PRRG4: variants seen among roughly 807,000 people sequenced by gnomAD.
The protein encoded by PRRG4 is proline rich and Gla domain 4.
Under a neutral mutation model 20.0 loss-of-function variants are expected in PRRG4, and 12 were observed. The observed-to-expected ratio is 0.60, with a 90% CI of 0.38 to 0.97. The LOEUF (loss-of-function observed/expected upper bound fraction) is 0.97, where lower values mean the gene tolerates loss of function less well. PRRG4 is among the 50% of genes least tolerant of loss of function. The pLI, the probability that PRRG4 is intolerant of heterozygous loss-of-function variation, is 0.00. For synonymous variants in PRRG4, 94 were observed against 96.4 expected, an observed-to-expected ratio of 0.98 and a Z score of 0.15; for missense variants, 199 against 265.1, an observed-to-expected ratio of 0.75 and a Z score of 1.73.
At position 32,857,066 on chromosome 11, in the gene PRRG4, A is replaced by G. The variant is rs1851232694; in HGVS notation, c.*3539A>G. 1.3e-5 allele frequency: 2 copies of G among 152,566 alleles called. No homozygotes were observed. Among genetic ancestry groups the G allele is most frequent in the African/African-American group, 4.8e-5 (2 of 41,414 alleles). The allele number at this position is 152,566 out of a possible 1,614,324, so 9.5% of individuals were successfully genotyped here. ...ATGCTGGTCTCTAACTCCTGAGCTCAAGGAATCCACCCACCTCGGCCTCCC... is the reference window on the plus strand; with the variant it reads ...ATGCTGGTCTCTAACTCCTGAGCTCGAGGAATCCACCCACCTCGGCCTCCC... On this transcript the variant is annotated 3_prime_UTR_variant, in exon 6 of 6. Transcript: ENST00000257836.
intron 5 of PRRG4, among the ~76,000 whole-genome samples, chr11:32,846,096 T>A (rs896479120): frequency 6.6e-6 from 1 of 152,086 alleles, no homozygotes; most frequent in African/African-American, 2.4e-5. Context: ...AAGTGGAGGC[T>A]ACTGTGAGCC....
chr11:32,830,620 G>A lies in PRRG4; in HGVS notation c.91G>A (p.Ala31Thr), dbSNP rs762651680. Residue 31 changes from alanine to threonine, a missense_variant, in exon 2 of 6, where the codon GCG becomes ACG. Transcript: ENST00000257836. ...AAGAGGTCCAAAGGCTTCTAAGCAT[G>A]CGGGAGAAGAAGGTAAGCACTAAAA... Reference protein sequence around the residue: ...CARGPKASKHAGEEVFTSKEE... With the variant: ...CARGPKASKHTGEEVFTSKEE... 20 of 1,613,860 alleles carry A rather than the reference G, an allele frequency of 1.2e-5. 2 individuals are homozygous for A. The South Asian group carries it at 2.1e-4, about 17-fold the overall frequency.
intron 5 of PRRG4, among the ~76,000 whole-genome samples, chr11:32,851,999 C>G (rs1204464518): frequency 6.6e-6 from 1 of 152,120 alleles, no homozygotes; most frequent in Non-Finnish European, 1.5e-5. Context: ...TTGTACTTCA[C>G]AAGTGAGAAA....
intron 1 of PRRG4, among the ~76,000 whole-genome samples, 167 bp from the exon 2 acceptor site, chr11:32,830,341 A>C (rs1334650710): frequency 6.6e-6 from 1 of 152,188 alleles, no homozygotes; most frequent in Non-Finnish European, 1.5e-5. Flanking sequence ...AGGCGCTCTC[A>C]GGGGCTGCTT....
intron 2 of PRRG4, among the ~76,000 whole-genome samples, chr11:32,832,942 G>GA (rs147769691): frequency 9.8e-5 from 15 of 152,288 alleles, no homozygotes; most frequent in African/African-American, 3.6e-4. Flanking sequence ...TCTAAGACAG[G>GA]AAAAATAGAG....
chr11:32,846,483 A>G (rs1434834086), intron 5 of PRRG4, among the ~76,000 whole-genome samples: 1 of 152,232 alleles, frequency 6.6e-6, no homozygotes, highest in Non-Finnish European at 1.5e-5. Flanking sequence ...AGAATGTGGT[A>G]ATATACTAGG....
chr11:32,834,559 T>C (rs1447000691), intron 2 of PRRG4, among the ~76,000 whole-genome samples: 1 of 152,150 alleles, frequency 6.6e-6, no homozygotes, highest in Non-Finnish European at 1.5e-5. Flanking sequence ...TCCCCCAAAA[T>C]ATAATGTGAA....
At chr11:32,852,580 G>C (rs184634603) in intron 5 of PRRG4, among the ~76,000 whole-genome samples, 1 of 152,184 alleles carries the variant, frequency 6.6e-6, no homozygotes, top group Admixed American at 6.5e-5. Context: ...TAAGAGAAAA[G>C]GGAATTCACT....
At chr11:32,846,508 C>T (rs912180700) in intron 5 of PRRG4, among the ~76,000 whole-genome samples, 2 of 152,142 alleles carry the variant, frequency 1.3e-5, no homozygotes, top group East Asian at 3.9e-4. Flanking sequence ...AGGAACACAG[C>T]GGTGAGTAAA....
Position 32,853,346 on chromosome 11 carries a change from G to C in PRRG4, c.500G>C (p.Arg167Thr). 1 of 1,614,110 alleles carries C rather than the reference G, an allele frequency of 6.2e-7. No individual in the cohort carries two copies. The highest frequency in any genetic ancestry group is 8.5e-7 in the Non-Finnish European group (1 of 1,180,014). The change falls in exon 6 of 6, where the codon AGA (arginine) becomes ACA (threonine). Residue 167 changes from arginine (R) to threonine (T), a missense_variant. By Grantham distance (71) the Arg-to-Thr change is moderately conservative. Transcript: ENST00000257836. ...AGGCACACTCCCTCCATCATTTTCAGAAGACCTGAGGAGGCTGCCTTGTCT... is the reference window on the plus strand; with the variant it reads ...AGGCACACTCCCTCCATCATTTTCACAAGACCTGAGGAGGCTGCCTTGTCT... The part of the protein sequence containing the change: ...RGRHTPSIIF[R>T]RPEEAALSPL...
intron 2 of PRRG4, 129 bp downstream of exon 2, chr11:32,830,761 GC>G: frequency 7.0e-7 from 1 of 1,421,688 alleles, no homozygotes. Context: ...TTAATTTGTG[GC>G]ATATTTGGCA....
rs1851215175 is a variant in PRRG4 at position 32,854,747 on chromosome 11, A to C, written c.*1220A>C. Reference sequence around the variant, plus strand: ...GCAGTCATCATATTTTGCAGAGTTTAGTTCTTAACTCTTGCTGTCAGTCAT... The same window carrying C: ...GCAGTCATCATATTTTGCAGAGTTTCGTTCTTAACTCTTGCTGTCAGTCAT... On this transcript the variant is annotated 3_prime_UTR_variant, in exon 6 of 6. Transcript: ENST00000257836. The C allele has an allele frequency of 6.6e-6, 1 of 152,106 alleles. No homozygotes were observed. The highest frequency in any genetic ancestry group is 6.6e-5 in the Admixed American group (1 of 15,258). 9.4% of individuals were successfully genotyped at this position (152,106 alleles called of 1,614,324 possible).
intron 3 of PRRG4, among the ~76,000 whole-genome samples, chr11:32,837,073 A>T (rs188906016): frequency 2.7e-4 from 41 of 152,338 alleles, no homozygotes; most frequent in African/African-American, 8.2e-4. Context: ...ATTTAAAAGT[A>T]ATCATGGGGC....
chr11:32,838,910 A>G lies in PRRG4; in HGVS notation c.296A>G (p.Lys99Arg). The G allele has an allele frequency of 1.2e-6, 2 of 1,610,974 alleles. No individual in the cohort carries two copies. The highest frequency in any genetic ancestry group is 1.7e-6 in the Non-Finnish European group (2 of 1,177,204). Residue 99 changes from lysine (K) to arginine (R), a missense_variant, in exon 4 of 6, where the codon AAA becomes AGA. By Grantham distance (26) the Lys-to-Arg change is conservative (BLOSUM62 2). Coordinates refer to ENST00000257836, the MANE Select transcript of PRRG4 (RefSeq NM_024081.6). ...GCATTTTGGCAGGAATATTCAGCTA[A>G]AGGACCAACCACAAAATCAGGTAAA... The part of the protein sequence containing the change: ...TIAFWQEYSA[K>R]GPTTKSDGNR...
Position 32,830,592 on chromosome 11 carries a change from C to T in PRRG4, c.63C>T (p.Cys21=), listed in dbSNP as rs1199832016. 14 of 1,612,740 alleles carry T rather than the reference C, an allele frequency of 8.7e-6. No individual in the cohort carries two copies. Among genetic ancestry groups the T allele is most frequent in the Admixed American group, 1.7e-5 (1 of 59,752 alleles). ...LPTVTLGFPH[C]ARGPKASKHA... is the part of the protein sequence containing the mutation. The stretch of plus-strand genomic sequence containing the variant: ...CAGTTACCCTGGGGTTTCCTCATTG[C>T]GCAAGAGGTCCAAAGGCTTCTAAGC... The change falls in exon 2 of 6, where the codon TGC becomes TGT. Residue 21 remains cysteine, a synonymous_variant. Transcript: ENST00000257836.
intron 2 of PRRG4, among the ~76,000 whole-genome samples, chr11:32,831,506 A>T (rs1174821687): frequency 6.6e-6 from 1 of 152,202 alleles, no homozygotes; most frequent in Non-Finnish European, 1.5e-5. Context: ...AGAACAATCC[A>T]TTAACCCAAA....
chr11:32,831,905 C>G (rs935684274), intron 2 of PRRG4, among the ~76,000 whole-genome samples: 1 of 152,104 alleles, frequency 6.6e-6, no homozygotes, highest in Admixed American at 6.5e-5. Context: ...CCTATAATCC[C>G]AGCTACCCGG....
chr11:32,845,326 G>C (rs1228843461), intron 5 of PRRG4, among the ~76,000 whole-genome samples: 1 of 152,058 alleles, frequency 6.6e-6, no homozygotes, highest in Non-Finnish European at 1.5e-5. Flanking sequence ...ATATAAACTT[G>C]TAAGATAGAG....
intron 5 of PRRG4, among the ~76,000 whole-genome samples, chr11:32,841,139 CT>C (rs1377102159): frequency 6.6e-6 from 1 of 151,268 alleles, no homozygotes; most frequent in Admixed American, 6.6e-5. Context: ...ACTATTCACA[CT>C]TTCAAATTCT....
Sources: gnomAD v4.1 joint callset for allele counts (sites outside exome capture counted in the v4.1 genomes callset) on GRCh38, gnomAD v4.1.1 for gene constraint, MANE v1.5 for transcripts, NCBI Gene and HGNC (gene_info 2026-07-23, HGNC 2026-07-21) for gene names.